Variants in PCMT1 observed in about 807,000 individuals in gnomAD.
PCMT1 encodes the protein protein-L-isoaspartate (D-aspartate) O-methyltransferase.
PCMT1 carries 9 observed loss-of-function variants against 29.2 expected under a neutral mutation model. The ratio of observed to expected loss-of-function variants is 0.31; its 90% CI spans 0.19 to 0.54. The LOEUF (loss-of-function observed/expected upper bound fraction) is 0.54, where lower values mean the gene tolerates loss of function less well. Ranked by LOEUF, PCMT1 falls within the 20% of genes least tolerant of loss-of-function variation. The pLI is 0.95. For missense variants in PCMT1, 184 were observed against 282.2 expected (o/e 0.65, Z 2.49); for synonymous variants, 98 against 97.5 (o/e 1.00, Z -0.03).
intron 3 of PCMT1, among the ~76,000 whole-genome samples, chr6:149,781,536 T>C (rs1370253965): frequency 6.6e-6 from 1 of 152,106 alleles, no homozygotes; most frequent in African/African-American, 2.4e-5. Context: ...AAAAATTTTT[T>C]TTAAAGACAG....
At chr6:149,801,259 G>A (rs1306074622) in intron 6 of PCMT1, among the ~76,000 whole-genome samples, 7 of 152,098 alleles carry the variant, frequency 4.6e-5, no homozygotes, top group Non-Finnish European at 8.8e-5. Flanking sequence ...TAGCCTGAAG[G>A]TAATTTTGTA....
upstream of PCMT1, chr6:149,749,715 C>A (rs1161504168): frequency 3.3e-6 from 5 of 1,533,292 alleles, no homozygotes; most frequent in East Asian, 9.8e-5. Flanking sequence ...AGAGCGCATG[C>A]GTGCCGCGGG....
intron 3 of PCMT1, among the ~76,000 whole-genome samples, chr6:149,781,649 A>C (rs11155685): frequency 0.53 from 81,140 of 152,050 alleles, 24,841 homozygotes; most frequent in East Asian, 0.83. Flanking sequence ...AGCCACCATA[A>C]CTGGCCTCTT....
chr6:149,787,287 G>GGGAGGGGGAGACC (rs1554255105), intron 3 of PCMT1, among the ~76,000 whole-genome samples: 1 of 144,364 alleles, frequency 6.9e-6, no homozygotes, highest in Non-Finnish European at 1.5e-5. Context: ...GGAGACCGTG[G>GGGAGGGGGAGACC]GTAGAGGGAG....
chr6:149,807,295 A>G (rs2115351612), intron 7 of PCMT1, among the ~76,000 whole-genome samples: 1 of 152,250 alleles, frequency 6.6e-6, no homozygotes, highest in East Asian at 1.9e-4. Flanking sequence ...ATAGTTCTTA[A>G]GTATTATTTT....
At position 149,749,805 on chromosome 6, in the gene PCMT1, G is replaced by C. The variant is rs1438150486; in HGVS notation, c.-97G>C. The C allele has an allele frequency of 1.9e-6, 3 of 1,553,026 alleles. No individual in the cohort carries two copies. In the Admixed American group the frequency reaches 5.9e-5, roughly 30 times the overall value. On this transcript the variant is annotated 5_prime_UTR_variant, in exon 1 of 8. Transcript: ENST00000464889. ...GCTACAGCGGGGACGCGAGCGGGGC[G>C]GTGACGGTGTGGGAGGTGGTCTCAC...
intron 1 of PCMT1, chr6:149,765,759 G>C (rs1324180272): frequency 9.5e-6 from 3 of 316,390 alleles, no homozygotes; most frequent in Non-Finnish European, 1.8e-5. Context: ...CTAAGGTCAG[G>C]AGTTTGAGAC....
intron 3 of PCMT1, among the ~76,000 whole-genome samples, chr6:149,786,831 T>C (rs1240604698): frequency 7.3e-6 from 1 of 137,460 alleles, no homozygotes; most frequent in South Asian, 2.4e-4. Flanking sequence ...ACTTCCTAGA[T>C]GGGATGGCGG....
intron 3 of PCMT1, among the ~76,000 whole-genome samples, chr6:149,785,381 TGTG>T (rs1362252765): frequency 1.3e-5 from 2 of 148,524 alleles, no homozygotes; most frequent in African/African-American, 2.5e-5. Flanking sequence ...TTAATTTAAA[TGTG>T]GTATGTTTAT....
intron 1 of PCMT1, among the ~76,000 whole-genome samples, chr6:149,751,325 AAAAT>A (rs898626722): frequency 1.3e-5 from 2 of 152,144 alleles, no homozygotes; most frequent in Non-Finnish European, 2.9e-5. Flanking sequence ...CCTCAAAAAA[AAAAT>A]TTTTTTTTGA....
chr6:149,766,993 G>A (rs576169269), intron 1 of PCMT1, among the ~76,000 whole-genome samples: 1 of 152,046 alleles, frequency 6.6e-6, no homozygotes, highest in African/African-American at 2.4e-5. Flanking sequence ...GGTGGATCAC[G>A]AGGTCAGGAG....
intron 1 of PCMT1, among the ~76,000 whole-genome samples, chr6:149,762,973 ATG>A (rs1223500675): frequency 1.6e-5 from 1 of 62,850 alleles, no homozygotes; most frequent in Non-Finnish European, 2.2e-5. Flanking sequence ...TATGATATAT[ATG>A]ATATATATAT....
intron 3 of PCMT1, among the ~76,000 whole-genome samples, chr6:149,786,177 T>A (rs1278455537): frequency 6.4e-5 from 4 of 62,792 alleles, no homozygotes; most frequent in Admixed American, 2.0e-4. Context: ...CCCCCCAACC[T>A]CCCTCCCAGA....
chr6:149,807,192 A>G (rs1776040477), intron 7 of PCMT1, among the ~76,000 whole-genome samples: 1 of 152,210 alleles, frequency 6.6e-6, no homozygotes, highest in Non-Finnish European at 1.5e-5. Flanking sequence ...AGGGGAGACA[A>G]TGCCAGATCT....
intron 3 of PCMT1, among the ~76,000 whole-genome samples, chr6:149,777,027 G>A (rs199783951): frequency 7.9e-6 from 1 of 126,746 alleles, no homozygotes; most frequent in South Asian, 2.5e-4. Flanking sequence ...ATTACAAAAA[G>A]CAATGTCCAC....
At chr6:149,779,088 A>T (rs1787701043) in intron 3 of PCMT1, among the ~76,000 whole-genome samples, 1 of 152,042 alleles carries the variant, frequency 6.6e-6, no homozygotes, top group Non-Finnish European at 1.5e-5. Flanking sequence ...AGAGAATATT[A>T]ACTGCTTATC....
intron 5 of PCMT1, chr6:149,796,197 G>A: frequency 2.6e-6 from 1 of 385,746 alleles, no homozygotes; most frequent in East Asian, 4.3e-5. Flanking sequence ...GTTAACTCCA[G>A]TTTTTCATCA....
At position 149,753,364 on chromosome 6, in the gene PCMT1, C is replaced by T. The variant is rs373867544; in HGVS notation, c.55+3408C>T. On this transcript the variant is annotated intron_variant, in intron 1 of 7. Transcript: ENST00000464889. ...TTTTTTTTTTTGAGACAGAGTTTCG[C>T]TCTTATTGCCCAGGCTGGAGTGCAA... 6.7e-3 allele frequency among the ~76,000 whole-genome samples: 797 copies of T among 119,426 alleles called. 7 individuals carry two copies. Among genetic ancestry groups the T allele is most frequent in the African/African-American group, 0.025 (770 of 30,874 alleles). 78.3% of individuals were successfully genotyped at this position (119,426 alleles called of 152,430 possible). A position where few individuals can be genotyped will look rare whatever the true frequency, so the allele number is the denominator to read the frequency against.
chr6:149,793,443 T>A, intron 4 of PCMT1, 106 bp from the exon 5 acceptor site: 1 of 965,446 alleles, frequency 1.0e-6, no homozygotes. Flanking sequence ...AAGCTATTTT[T>A]GTTTTCTCTT....
Sources: gnomAD v4.1 joint callset for allele counts (sites outside exome capture counted in the v4.1 genomes callset) on GRCh38, gnomAD v4.1.1 for gene constraint, MANE v1.5 for transcripts, NCBI Gene and HGNC (gene_info 2026-07-23, HGNC 2026-07-21) for gene names.